PHYKPL: variants seen among roughly 807,000 people sequenced by gnomAD.
The protein encoded by PHYKPL is 5-phosphohydroxy-L-lysine phospho-lyase.
Under a neutral mutation model 51.3 loss-of-function variants are expected in PHYKPL, and 42 were observed. The observed-to-expected ratio is 0.82, with a 90% CI of 0.64 to 1.06. PHYKPL has a LOEUF of 1.06. Ranked by LOEUF, PHYKPL falls within the 50% of genes least tolerant of loss-of-function variation. PHYKPL has a pLI of 0.00. For synonymous variants in PHYKPL, 264 were observed against 236.0 expected (o/e 1.12, Z -1.09); for missense variants, 655 against 586.6 (o/e 1.12, Z -1.20).
chr5:178,224,130 C>T (rs1287479569), intron 6 of PHYKPL, among the ~76,000 whole-genome samples: 1 of 152,206 alleles, frequency 6.6e-6, no homozygotes, highest in Non-Finnish European at 1.5e-5. Context: ...GGTTCCTCAG[C>T]CACCCAGTGG....
chr5:178,227,899 C>G (rs1762607299), intron 3 of PHYKPL, among the ~76,000 whole-genome samples: 1 of 152,130 alleles, frequency 6.6e-6, no homozygotes, highest in African/African-American at 2.4e-5. Flanking sequence ...AGGATTGATG[C>G]AGGACTGGGG....
Position 178,232,756 on chromosome 5 carries a change from G to A in PHYKPL, c.-206C>T, listed in dbSNP as rs1377152611. 3.3e-5 allele frequency: 16 copies of A among 488,648 alleles called. No individual in the cohort carries two copies. The highest frequency in any genetic ancestry group is 5.0e-5 in the Non-Finnish European group (16 of 322,774). The allele number at this position is 488,648 out of a possible 1,614,324, so 30.3% of individuals were successfully genotyped here. On this transcript the variant is annotated 5_prime_UTR_variant, in exon 1 of 13. Coordinates refer to ENST00000308158, the MANE Select transcript of PHYKPL (RefSeq NM_153373.4). ...GGGCCTGGCAGCCTTCCGGCCCGTG[G>A]TCGTGCCTTGGCAGTCCCGCGCAGG...
chr5:178,230,126 G>A (rs1351415874), intron 2 of PHYKPL, 27 bp from the exon 3 acceptor site: 20 of 1,611,314 alleles, frequency 1.2e-5, no homozygotes, highest in East Asian at 4.5e-5. Flanking sequence ...TCCGTCACAC[G>A]GCTGGCTCCA....
intron 9 of PHYKPL, 85 bp from the exon 10 acceptor site, chr5:178,214,970 C>T: frequency 7.8e-7 from 1 of 1,278,166 alleles, no homozygotes; most frequent in Non-Finnish European, 1.1e-6. Flanking sequence ...CTACCTGTGC[C>T]TCCTGAGGGG....
At chr5:178,231,555 G>A (rs1763412831) in intron 1 of PHYKPL, 32 bp from the exon 2 acceptor site, 1 of 1,614,026 alleles carries the variant, frequency 6.2e-7, no homozygotes, top group South Asian at 1.1e-5. Context: ...GGACAGCCAT[G>A]TCTGAAGACC....
intron 2 of PHYKPL, 98 bp downstream of exon 2, chr5:178,231,307 G>C (rs943751686): frequency 6.3e-7 from 1 of 1,586,192 alleles, no homozygotes; most frequent in African/African-American, 1.3e-5. Context: ...ACTCCACCCA[G>C]GTTCTCCACA....
At chr5:178,222,316 G>C in intron 8 of PHYKPL, 39 bp downstream of exon 8, 1 of 1,565,534 alleles carries the variant, frequency 6.4e-7, no homozygotes, top group Non-Finnish European at 8.7e-7. Context: ...GGGCCTATCA[G>C]AACCCATGTT....
chr5:178,227,179 G>A (rs570898676), intron 3 of PHYKPL, among the ~76,000 whole-genome samples: 2 of 152,080 alleles, frequency 1.3e-5, no homozygotes, highest in African/African-American at 4.8e-5. Flanking sequence ...AGGCCGTCAG[G>A]GGGCCCCTCA....
At chr5:178,223,948 G>A (rs1761738237) in intron 6 of PHYKPL, 2 of 190,806 alleles carry the variant, frequency 1.0e-5, no homozygotes, top group Non-Finnish European at 2.2e-5. Context: ...ACATAGCCCT[G>A]GAGTCAGAGA....
chr5:178,226,216 C>A (rs1328951729), intron 3 of PHYKPL: 1 of 151,872 alleles, frequency 6.6e-6, no homozygotes, highest in African/African-American at 2.4e-5. Context: ...GCTGGGATTA[C>A]AGGCGCCCAC....
chr5:178,215,037 G>C (rs1194435247), intron 9 of PHYKPL, 152 bp from the exon 10 acceptor site: 5 of 835,468 alleles, frequency 6.0e-6, no homozygotes, highest in African/African-American at 1.7e-5. Context: ...GGAATAACTG[G>C]GCTGGGAGAG....
chr5:178,207,462 CTG>C (rs1479853936), downstream of PHYKPL, among the ~76,000 whole-genome samples: 8 of 152,182 alleles, frequency 5.3e-5, no homozygotes, highest in African/African-American at 1.9e-4. Flanking sequence ...AAGGTGGCCT[CTG>C]TGAATAGAGC....
intron 2 of PHYKPL, 127 bp downstream of exon 2, chr5:178,231,278 G>A: frequency 6.8e-7 from 1 of 1,472,400 alleles, no homozygotes. Context: ...AGCCTCCTCT[G>A]CATACTGACA....
downstream of PHYKPL, chr5:178,207,158 C>T: frequency 6.2e-7 from 1 of 1,614,140 alleles, no homozygotes; most frequent in Non-Finnish European, 8.5e-7. Context: ...GTGTTTATCA[C>T]CTTTAAAGAA....
chr5:178,225,487 A>G (rs1329006135), intron 3 of PHYKPL, 58 bp from the exon 4 acceptor site: 4 of 1,559,216 alleles, frequency 2.6e-6, no homozygotes, highest in Non-Finnish European at 3.5e-6. Flanking sequence ...CCCAGAGAGA[A>G]ATGCTGAGGG....
chr5:178,210,038 T>C, intron 12 of PHYKPL: 1 of 1,545,426 alleles, frequency 6.5e-7, no homozygotes, highest in Non-Finnish European at 8.7e-7. Context: ...GTTGCCACAG[T>C]AACCCTGCCA....
intron 6 of PHYKPL, chr5:178,223,292 C>A: frequency 2.2e-6 from 1 of 444,768 alleles, no homozygotes; most frequent in South Asian, 1.7e-5. Context: ...CTCTCTAAAC[C>A]TACTCCTTGC....
chr5:178,211,741 C>T, intron 12 of PHYKPL, 149 bp downstream of exon 12: 1 of 611,112 alleles, frequency 1.6e-6, no homozygotes, highest in Non-Finnish European at 2.9e-6. Context: ...TGGAGAATTT[C>T]CAGTGTTGAA....
At chr5:178,209,512 C>A in intron 12 of PHYKPL, 1 of 1,388,038 alleles carries the variant, frequency 7.2e-7, no homozygotes, top group Non-Finnish European at 1.0e-6. Context: ...CCAAGCCTGT[C>A]TTGGGGCTCC....
Sources: gnomAD v4.1 joint callset for allele counts (sites outside exome capture counted in the v4.1 genomes callset) on GRCh38, gnomAD v4.1.1 for gene constraint, MANE v1.5 for transcripts, NCBI Gene and HGNC (gene_info 2026-07-23, HGNC 2026-07-21) for gene names.